REV3L: variants seen among roughly 807,000 people sequenced by gnomAD.
REV3L encodes REV3 like, DNA directed polymerase zeta catalytic subunit, also known as DNA polymerase zeta catalytic subunit.
A neutral mutation model predicts 299.4 loss-of-function variants in REV3L; 69 were observed. The ratio of observed to expected loss-of-function variants is 0.23; its 90% confidence interval spans 0.19 to 0.28. REV3L has a LOEUF of 0.28. Ranked by LOEUF, REV3L falls within the 10% of genes least tolerant of loss-of-function variation. The probability of loss-of-function intolerance (pLI) is 1.00; values close to 1 mark genes in which losing one functional copy is unlikely to be tolerated. For synonymous variants in REV3L, 1,238 were observed against 1,271.4 expected (o/e 0.97, Z 0.56); for missense variants, 3,128 against 3,693.8 (o/e 0.85, Z 3.97).
chr6:111,427,973 C>T (rs1786388303), intron 1 of REV3L, among the ~76,000 whole-genome samples: 1 of 151,418 alleles, frequency 6.6e-6, no homozygotes, highest in African/African-American at 2.4e-5. Flanking sequence ...TGAACCTCTA[C>T]CCAGAGGTTA....
intron 26 of REV3L, among the ~76,000 whole-genome samples, chr6:111,316,628 T>C: frequency 6.7e-6 from 1 of 149,080 alleles, no homozygotes; most frequent in Non-Finnish European, 1.5e-5. Context: ...ATTGCGCCAT[T>C]GCACTCCAGT....
chr6:111,308,157 T>G (rs1240268366), intron 30 of REV3L: 1 of 401,414 alleles, frequency 2.5e-6, no homozygotes, highest in African/African-American at 2.1e-5. Flanking sequence ...GGTGTATATG[T>G]GCCACATTTT....
At chr6:111,429,618 A>G (rs546190506) in intron 1 of REV3L, among the ~76,000 whole-genome samples, 1 of 152,326 alleles carries the variant, frequency 6.6e-6, no homozygotes, top group East Asian at 1.9e-4. Flanking sequence ...AGGCAATATA[A>G]AAACATAAAA....
intron 26 of REV3L, among the ~76,000 whole-genome samples, chr6:111,318,111 G>A (rs755012819): frequency 2.3e-4 from 35 of 149,746 alleles, no homozygotes; most frequent in Non-Finnish European, 3.3e-4. Flanking sequence ...TTTTTGAGAC[G>A]GAGTCTTGCT....
rs756545293 is a variant in REV3L at position 111,375,507 on chromosome 6, C to G, written c.2848G>C (p.Glu950Gln). The change falls in exon 13 of 32, where the codon GAA (glutamate) becomes CAA (glutamine). Residue 950 changes from glutamate to glutamine, a missense_variant. Physicochemically the swap from Glu to Gln is conservative, Grantham distance 29. Coordinates refer to ENST00000368802, the MANE Select transcript of REV3L (RefSeq NM_001372078.1). ...NSKISLPHPM[E>Q]IGESLDGTLK... is the part of the protein sequence containing the mutation. Reference sequence around the variant, plus strand: ...GTTCCATCTAAACTTTCACCAATTTCCATGGGATGAGGTAGACTAATTTTT... The same window carrying G: ...GTTCCATCTAAACTTTCACCAATTTGCATGGGATGAGGTAGACTAATTTTT... 3 of 1,607,406 alleles carry G rather than the reference C, an allele frequency of 1.9e-6. No homozygotes were observed. The highest frequency in any genetic ancestry group is 2.5e-6 in the Non-Finnish European group (3 of 1,178,358).
chr6:111,451,023 G>A (rs1198440609), intron 1 of REV3L, among the ~76,000 whole-genome samples: 1 of 152,208 alleles, frequency 6.6e-6, no homozygotes, highest in Non-Finnish European at 1.5e-5. Context: ...ATCATAATGA[G>A]TTTCCATAAA....
intron 31 of REV3L, 74 bp from the exon 32 acceptor site, chr6:111,300,230 A>C: frequency 8.1e-7 from 1 of 1,229,506 alleles, no homozygotes; most frequent in Non-Finnish European, 1.1e-6. Context: ...AATTTTTATA[A>C]TCCCTACTTT....
chr6:111,476,986 AAAC>A (rs1208728241), intron 1 of REV3L, among the ~76,000 whole-genome samples: 1 of 152,220 alleles, frequency 6.6e-6, no homozygotes, highest in Non-Finnish European at 1.5e-5. Flanking sequence ...TGAAAATATA[AAAC>A]ATACCTTCCA....
chr6:111,404,422 C>T (rs997368047), intron 4 of REV3L, among the ~76,000 whole-genome samples: 1 of 152,202 alleles, frequency 6.6e-6, no homozygotes, highest in African/African-American at 2.4e-5. Context: ...GGTTCCCTGC[C>T]TGCTAACACA....
At position 111,333,231 on chromosome 6, in the gene REV3L, T is replaced by C. The variant is rs747486955; in HGVS notation, c.7817A>G (p.Tyr2606Cys). The change falls in exon 23 of 32, where the codon TAT (tyrosine) becomes TGT (cysteine). Residue 2606 changes from tyrosine to cysteine, a missense_variant. Tyr to Cys is a radical substitution (Grantham distance 194, BLOSUM62 -2). This residue lies in a region of REV3L where 149 missense variants were observed against 286.4 expected (regional missense o/e 0.52). Coordinates refer to ENST00000368802, the MANE Select transcript of REV3L (RefSeq NM_001372078.1). ...PLIMEPESRF[Y>C]SNSVLVLDFQ... ...ATCCAAAACGAGAACAGAGTTGCTATAGAAGCGGGATTCAGGCTCCATAAT... is the reference window on the plus strand; with the variant it reads ...ATCCAAAACGAGAACAGAGTTGCTACAGAAGCGGGATTCAGGCTCCATAAT... The C allele has an allele frequency of 6.2e-6, 10 of 1,614,034 alleles. No homozygotes were observed. Among genetic ancestry groups the C allele is most frequent in the South Asian group, 3.3e-5 (3 of 91,088 alleles).
intron 1 of REV3L, among the ~76,000 whole-genome samples, chr6:111,438,504 TAAA>T (rs757079895): frequency 1.6e-5 from 2 of 122,876 alleles, no homozygotes; most frequent in African/African-American, 3.0e-5. Context: ...ATATTAAGAT[TAAA>T]AAAAAAAAAA....
At chr6:111,466,241 T>A (rs1377757705) in intron 1 of REV3L, among the ~76,000 whole-genome samples, 9 of 152,208 alleles carry the variant, frequency 5.9e-5, no homozygotes, top group Non-Finnish European at 1.0e-4. Context: ...TGAAAAGCAC[T>A]GTGATAAAAG....
chr6:111,406,882 A>G (rs2128276235), intron 3 of REV3L, among the ~76,000 whole-genome samples: 2 of 152,330 alleles, frequency 1.3e-5, no homozygotes, highest in South Asian at 4.1e-4. Flanking sequence ...AGCACTATAT[A>G]TTGGATACTG....
rs770070579 is a variant in REV3L, at chr6:111,374,030, C to T, written c.4325G>A (p.Cys1442Tyr). 70 of 1,614,006 alleles carry T rather than the reference C, an allele frequency of 4.3e-5. No homozygotes were observed. Among genetic ancestry groups the T allele is most frequent in the Non-Finnish European group, 5.4e-5 (64 of 1,180,000 alleles). ...IAEQSKHSET[C>Y]SPGNTASEES... is the part of the protein sequence containing the mutation. Reference sequence around the variant, plus strand: ...CTCTGAAGCTGTATTTCCCGGAGAACAAGTTTCACTGTGCTTTGACTGTTC... The same window carrying T: ...CTCTGAAGCTGTATTTCCCGGAGAATAAGTTTCACTGTGCTTTGACTGTTC... Residue 1442 changes from cysteine to tyrosine, a missense_variant, in exon 13 of 32, where the codon TGT (cysteine) becomes TAT (tyrosine). Transcript: ENST00000368802.
At chr6:111,457,495 TA>T (rs17510429) in intron 1 of REV3L, among the ~76,000 whole-genome samples, 16,315 of 151,926 alleles carry the variant, frequency 0.11, 1,158 homozygotes, top group Middle Eastern at 0.21. Flanking sequence ...ATCATAAACT[TA>T]TATTTTACTA....
chr6:111,355,127 G>T (rs1447820999), intron 18 of REV3L, among the ~76,000 whole-genome samples: 6 of 151,866 alleles, frequency 4.0e-5, no homozygotes. Context: ...TTATAGATGA[G>T]GTTTTACTTG....
At chr6:111,370,753 G>T (rs1471708980) in intron 13 of REV3L, among the ~76,000 whole-genome samples, 1 of 152,012 alleles carries the variant, frequency 6.6e-6, no homozygotes. Context: ...TGAAAGGAAG[G>T]TACAGAAGTT....
At position 111,329,768 on chromosome 6, in the gene REV3L, C is replaced by A. The variant is rs1428713360; in HGVS notation, c.8035-30G>T. 3.4e-6 allele frequency: 5 copies of A among 1,489,076 alleles called. No homozygotes were observed. In the African/African-American group the frequency reaches 4.2e-5, roughly 12 times the overall value. The allele number at this position is 1,489,076 out of a possible 1,614,324, so 92.2% of individuals were successfully genotyped here. A position where few individuals can be genotyped will look rare whatever the true frequency, so the allele number is the denominator to read the frequency against. ...CATAAAGAAAAAAAATGTTTAAAAC[C>A]CCTCAAACATTATAGATTTACATAA... On this transcript the variant is annotated intron_variant, in intron 24 of 31. Coordinates refer to ENST00000368802, the MANE Select transcript of REV3L (RefSeq NM_001372078.1).
chr6:111,434,458 CA>C (rs932899626), intron 1 of REV3L, among the ~76,000 whole-genome samples: 50 of 145,328 alleles, frequency 3.4e-4, no homozygotes, highest in Middle Eastern at 3.4e-3. Context: ...AATAAAAATA[CA>C]AAAAAAAAAA....
Sources: gnomAD v4.1 joint callset for allele counts (sites outside exome capture counted in the v4.1 genomes callset) on GRCh38, gnomAD v4.1.1 for gene constraint, gnomAD v4.1.1 regional missense constraint, MANE v1.5 for transcripts, NCBI Gene and HGNC (gene_info 2026-07-23, HGNC 2026-07-21) for gene names.